ATP9B: variants seen among roughly 807,000 people sequenced by gnomAD.
ATP9B encodes ATPase phospholipid transporting 9B.
ATP9B carries 110 observed loss-of-function variants against 146.1 expected under a neutral mutation model. The ratio of observed to expected loss-of-function variants is 0.75; its 90% CI spans 0.65 to 0.88. The LOEUF (loss-of-function observed/expected upper bound fraction) is 0.88. ATP9B is among the 40% of genes least tolerant of loss of function. ATP9B has a pLI of 0.00. For synonymous variants in ATP9B, 604 were observed against 569.7 expected (o/e 1.06, Z -0.86); for missense variants, 1,499 against 1,496.4 (o/e 1.00, Z -0.03).
intron 7 of ATP9B, chr18:79,173,846 TA>T (rs2095117730): frequency 2.3e-6 from 1 of 436,916 alleles, no homozygotes; most frequent in African/African-American, 2.0e-5. Flanking sequence ...TTTACCTTTC[TA>T]TACACATTTT....
At chr18:79,365,362 G>A (rs568075511) in intron 26 of ATP9B, among the ~76,000 whole-genome samples, 1 of 152,266 alleles carries the variant, frequency 6.6e-6, no homozygotes, top group South Asian at 2.1e-4. Flanking sequence ...TGAAAGGCTG[G>A]GGAGGGTCCA....
chr18:79,141,904 G>A (rs932224142), intron 5 of ATP9B, among the ~76,000 whole-genome samples: 1 of 152,180 alleles, frequency 6.6e-6, no homozygotes, highest in Non-Finnish European at 1.5e-5. Context: ...GTGTGAAAGC[G>A]GGTAACTTTC....
rs1046772751 is a variant in ATP9B, at chr18:79,295,524, G to A, written c.1412-8080G>A. Among the ~76,000 whole-genome samples, 3 of 152,110 alleles carry A rather than the reference G, an allele frequency of 2.0e-5. No homozygotes were observed. The East Asian group carries it at 5.8e-4, about 29-fold the overall frequency. ...TGTTTAAAGAATAATTTTCACACAT[G>A]GCAAATTCCACATTTGCCAAACCTC... On this transcript the variant is annotated intron_variant, in intron 13 of 29. Coordinates refer to ENST00000426216, the MANE Select transcript of ATP9B (RefSeq NM_198531.5).
rs915872738 is a variant in ATP9B at position 79,096,717 on chromosome 18, A to C, written c.293+68A>C. 14 of 1,200,418 alleles carry C rather than the reference A, an allele frequency of 1.2e-5. No homozygotes were observed. In the East Asian group the frequency reaches 3.6e-4, roughly 31 times the overall value. 74.4% of individuals were successfully genotyped at this position (1,200,418 alleles called of 1,614,324 possible). A position where few individuals can be genotyped will look rare whatever the true frequency, so the allele number is the denominator to read the frequency against. ...TACTTATAAGGTTAGCTTCTAATAT[A>C]CTTATTAGCTATATTAATATAAAAA... On this transcript the variant is annotated intron_variant, in intron 2 of 29. Transcript: ENST00000426216.
intron 2 of ATP9B, among the ~76,000 whole-genome samples, chr18:79,105,913 T>C (rs1468074837): frequency 2.0e-5 from 3 of 152,168 alleles, no homozygotes; most frequent in South Asian, 4.1e-4. Context: ...TAGGTATCTA[T>C]TGGATGTAAT....
At chr18:79,211,862 G>A (rs1007443144) in intron 10 of ATP9B, among the ~76,000 whole-genome samples, 13 of 151,956 alleles carry the variant, frequency 8.6e-5, no homozygotes, top group African/African-American at 2.9e-4. Context: ...TGAGGGAGGT[G>A]GATCTTGATT....
chr18:79,112,235 A>G (rs921595387), intron 3 of ATP9B, among the ~76,000 whole-genome samples: 18 of 152,310 alleles, frequency 1.2e-4, no homozygotes, highest in African/African-American at 3.6e-4. Flanking sequence ...TGGCATGGAA[A>G]TGGCATCCAA....
intron 11 of ATP9B, among the ~76,000 whole-genome samples, chr18:79,217,947 G>A (rs960550261): frequency 1.4e-3 from 210 of 152,336 alleles, no homozygotes; most frequent in African/African-American, 4.9e-3. Flanking sequence ...TCTCTGAGTA[G>A]AAGCCATATT....
chr18:79,192,214 T>C (rs529492143), intron 8 of ATP9B, among the ~76,000 whole-genome samples: 2 of 152,314 alleles, frequency 1.3e-5, no homozygotes, highest in African/African-American at 4.8e-5. Flanking sequence ...TGCTTCTTCA[T>C]GTCTGGGAGT....
chr18:79,124,907 G>C (rs1269807244), intron 4 of ATP9B, among the ~76,000 whole-genome samples: 1 of 152,144 alleles, frequency 6.6e-6, no homozygotes, highest in Non-Finnish European at 1.5e-5. Context: ...CCATCAGTGG[G>C]CTGAGGCCAG....
intron 4 of ATP9B, chr18:79,117,247 C>G (rs746483048): frequency 1.3e-5 from 2 of 152,070 alleles, no homozygotes; most frequent in Admixed American, 1.3e-4. Flanking sequence ...AATGTTGATA[C>G]AACAGTGAAC....
chr18:79,196,482 A>G (rs1306965364), intron 9 of ATP9B, among the ~76,000 whole-genome samples: 2 of 152,168 alleles, frequency 1.3e-5, no homozygotes, highest in African/African-American at 4.8e-5. Context: ...AGAAAATAGA[A>G]GGAGCTCATT....
chr18:79,285,911 A>G (rs1449271935), intron 13 of ATP9B, among the ~76,000 whole-genome samples: 114 of 150,678 alleles, frequency 7.6e-4, no homozygotes, highest in Non-Finnish European at 1.4e-3. Flanking sequence ...CAGGTTTGTC[A>G]AAGATCAGAT....
At chr18:79,191,948 G>A (rs1287976235) in intron 8 of ATP9B, among the ~76,000 whole-genome samples, 1 of 152,136 alleles carries the variant, frequency 6.6e-6, no homozygotes, top group Non-Finnish European at 1.5e-5. Context: ...GAAGAGTACT[G>A]GTTTTTTGTT....
chr18:79,081,343 C>G (rs2073239564), intron 1 of ATP9B, among the ~76,000 whole-genome samples: 1 of 151,964 alleles, frequency 6.6e-6, no homozygotes, highest in Non-Finnish European at 1.5e-5. Flanking sequence ...CTGGTTTAGT[C>G]TTGGGAGGGT....
At chr18:79,203,759 G>T (rs1231467215) in intron 9 of ATP9B, among the ~76,000 whole-genome samples, 1 of 152,220 alleles carries the variant, frequency 6.6e-6, no homozygotes, top group Non-Finnish European at 1.5e-5. Context: ...TCAATTGGCT[G>T]TGCCAACGCT....
intron 1 of ATP9B, among the ~76,000 whole-genome samples, chr18:79,095,025 C>G (rs2074673973): frequency 6.6e-6 from 1 of 152,150 alleles, no homozygotes; most frequent in Non-Finnish European, 1.5e-5. Context: ...TGACTGGGTT[C>G]CTGAGACTCC....
chr18:79,097,124 C>G (rs1044846490), intron 2 of ATP9B, among the ~76,000 whole-genome samples: 1 of 150,396 alleles, frequency 6.6e-6, no homozygotes, highest in Non-Finnish European at 1.5e-5. Context: ...AGCCACTGCA[C>G]TCCATCCTGG....
chr18:79,128,052 C>CTTTTT (rs1173565651), intron 5 of ATP9B, among the ~76,000 whole-genome samples: 130 of 71,712 alleles, frequency 1.8e-3, no homozygotes, highest in Non-Finnish European at 2.3e-3. Context: ...CCTTTGCCGA[C>CTTTTT]TTTTTTTTTT....
Sources: allele counts gnomAD v4.1 joint callset (sites outside exome capture counted in the v4.1 genomes callset), GRCh38; gene constraint gnomAD v4.1.1; transcripts MANE v1.5; gene names NCBI Gene and HGNC (gene_info 2026-07-23, HGNC 2026-07-21).